The following FOXN3 variants were observed in gnomAD, a reference collection of about 807,000 sequenced individuals.
FOXN3 encodes the protein forkhead box N3.
Under a neutral mutation model 38.4 loss-of-function variants are expected in FOXN3, and 7 were observed. That is an observed-to-expected ratio of 0.18 (90% CI 0.10 to 0.34). The LOEUF (loss-of-function observed/expected upper bound fraction) is 0.34. FOXN3 is among the 10% of genes least tolerant of loss of function. The pLI is 1.00. For synonymous variants in FOXN3, 230 were observed against 242.2 expected (o/e 0.95, Z 0.47); for missense variants, 456 against 613.4 (o/e 0.74, Z 2.71).
intron 2 of FOXN3, among the ~76,000 whole-genome samples, chr14:89,365,160 C>T (rs920798403): frequency 1.3e-5 from 2 of 152,184 alleles, no homozygotes; most frequent in African/African-American, 4.8e-5. Flanking sequence ...GAGAGCCCTG[C>T]TTCTTCCTCC....
intron 3 of FOXN3, among the ~76,000 whole-genome samples, chr14:89,327,640 A>G (rs1228278998): frequency 1.3e-5 from 2 of 152,214 alleles, no homozygotes; most frequent in African/African-American, 4.8e-5. Context: ...AGTCTTTCAG[A>G]CTACTAGTTT....
At chr14:89,529,661 G>C (rs576350567) in intron 1 of FOXN3, among the ~76,000 whole-genome samples, 78 of 152,196 alleles carry the variant, frequency 5.1e-4, no homozygotes, top group African/African-American at 1.9e-3. Context: ...GGGCATTTTT[G>C]GTTCTGATTA....
In FOXN3 at chr14:89,491,132, T is replaced by C. The variant is rs563702531; in HGVS notation, c.-14-78642A>G. On this transcript the variant is annotated intron_variant, in intron 1 of 6. Transcript: ENST00000345097. ...CATGCGCCACCACACCTGGCTAATT[T>C]TGTTTTTTGTTTTTTTTTTTTTAAG... 1.3e-3 allele frequency among the ~76,000 whole-genome samples: 163 copies of C among 128,372 alleles called. 1 individual carries two copies. Among genetic ancestry groups the C allele is most frequent in the African/African-American group, 5.4e-3 (150 of 27,898 alleles). 84.2% of individuals were successfully genotyped at this position (128,372 alleles called of 152,430 possible). A position where few individuals can be genotyped will look rare whatever the true frequency, so the allele number is the denominator to read the frequency against.
chr14:89,510,978 C>A (rs540985198), intron 1 of FOXN3, among the ~76,000 whole-genome samples: 1 of 151,904 alleles, frequency 6.6e-6, no homozygotes, highest in Non-Finnish European at 1.5e-5. Flanking sequence ...TCATCACCCC[C>A]TGCCTTTTCC....
intron 1 of FOXN3, among the ~76,000 whole-genome samples, chr14:89,416,494 T>A (rs1204494507): frequency 6.6e-6 from 1 of 152,064 alleles, no homozygotes; most frequent in Non-Finnish European, 1.5e-5. Context: ...CTGCACAGTT[T>A]GGCCGGGGGG....
At chr14:89,200,552 TGGAGAAATGAAA>T (rs1888210916) in intron 4 of FOXN3, among the ~76,000 whole-genome samples, 1 of 152,204 alleles carries the variant, frequency 6.6e-6, no homozygotes, top group South Asian at 2.1e-4. Context: ...GCTCCTCTGC[TGGAGAAATGAAA>T]GGAGTACCTT....
intron 3 of FOXN3, among the ~76,000 whole-genome samples, chr14:89,286,585 AAC>A (rs1301000206): frequency 1.3e-5 from 2 of 152,212 alleles, no homozygotes; most frequent in Admixed American, 1.3e-4. Flanking sequence ...CCAGGAATAA[AAC>A]AGTCAACGCA....
At chr14:89,458,294 G>A (rs1334899356) in intron 1 of FOXN3, among the ~76,000 whole-genome samples, 1 of 152,120 alleles carries the variant, frequency 6.6e-6, no homozygotes, top group Non-Finnish European at 1.5e-5. Flanking sequence ...GGGCTCTCTG[G>A]GCCTTGCAGG....
intron 1 of FOXN3, among the ~76,000 whole-genome samples, chr14:89,610,628 GTCTATA>G (rs1381532331): frequency 6.6e-6 from 1 of 152,190 alleles, no homozygotes; most frequent in Non-Finnish European, 1.5e-5. Context: ...ACTTCAGTCT[GTCTATA>G]TCTGCTTAGA....
chr14:89,560,380 G>T (rs936984663), intron 1 of FOXN3, among the ~76,000 whole-genome samples: 1 of 152,188 alleles, frequency 6.6e-6, no homozygotes, highest in African/African-American at 2.4e-5. Context: ...CTGGATACAG[G>T]GATGGGCAGA....
intron 1 of FOXN3, among the ~76,000 whole-genome samples, chr14:89,506,386 C>G (rs1243197509): frequency 1.4e-5 from 2 of 145,128 alleles, no homozygotes; most frequent in Admixed American, 1.4e-4. Context: ...CGCCTCTGCC[C>G]GGCCACCCCT....
chr14:89,475,832 G>A (rs1893199123), intron 1 of FOXN3, among the ~76,000 whole-genome samples: 2 of 152,236 alleles, frequency 1.3e-5, no homozygotes, highest in South Asian at 4.1e-4. Flanking sequence ...AACAGAACTT[G>A]GTACTACCCG....
At chr14:89,440,584 C>A (rs1460151049) in intron 1 of FOXN3, among the ~76,000 whole-genome samples, 3 of 152,162 alleles carry the variant, frequency 2.0e-5, no homozygotes, top group African/African-American at 7.2e-5. Flanking sequence ...AAAAGCACCC[C>A]CACTGAGCAC....
At chr14:89,333,613 T>C (rs1200924755) in intron 3 of FOXN3, among the ~76,000 whole-genome samples, 1 of 148,696 alleles carries the variant, frequency 6.7e-6, no homozygotes, top group Non-Finnish European at 1.5e-5. Flanking sequence ...TACAAAACAA[T>C]TAGCCAGGCA....
chr14:89,187,753 G>C (rs1316118882), intron 4 of FOXN3, among the ~76,000 whole-genome samples: 1 of 152,166 alleles, frequency 6.6e-6, no homozygotes, highest in African/African-American at 2.4e-5. Flanking sequence ...TCCTCTGGTT[G>C]GGTTTATGGG....
chr14:89,223,884 A>AT (rs34796311), intron 4 of FOXN3, among the ~76,000 whole-genome samples: 45,199 of 152,190 alleles, frequency 0.3, 7,252 homozygotes, highest in South Asian at 0.4. Context: ...TAAACAAGAC[A>AT]TCAATGCAGA....
chr14:89,570,673 T>G (rs1051943817), intron 1 of FOXN3, among the ~76,000 whole-genome samples: 44 of 149,420 alleles, frequency 2.9e-4, no homozygotes, highest in African/African-American at 1.0e-3. Flanking sequence ...ACATTATGAG[T>G]TTTTTGCAAT....
chr14:89,498,217 T>C (rs1047041566), intron 1 of FOXN3, among the ~76,000 whole-genome samples: 353 of 83,312 alleles, frequency 4.2e-3, no homozygotes, highest in Non-Finnish European at 8.5e-3. Context: ...TCTCTTTTTT[T>C]TTTTTTTTTT....
At chr14:89,285,158 T>C (rs1321841534) in intron 3 of FOXN3, among the ~76,000 whole-genome samples, 2 of 152,168 alleles carry the variant, frequency 1.3e-5, no homozygotes, top group Non-Finnish European at 2.9e-5. Flanking sequence ...TGGATCTCAA[T>C]GAGAAATAAA....
Sources: allele counts gnomAD v4.1 joint callset (sites outside exome capture counted in the v4.1 genomes callset), GRCh38; gene constraint gnomAD v4.1.1; transcripts MANE v1.5; gene names NCBI Gene and HGNC (gene_info 2026-07-23, HGNC 2026-07-21).